Variants in BRIP1 observed in about 807,000 individuals in gnomAD.
The protein encoded by BRIP1 is BRCA1 interacting DNA helicase 1.
BRIP1 carries 88 observed loss-of-function variants against 119.7 expected under a neutral mutation model. The ratio of observed to expected loss-of-function variants is 0.74; its 90% CI spans 0.62 to 0.88. The LOEUF (loss-of-function observed/expected upper bound fraction) is 0.88, where lower values mean the gene tolerates loss of function less well. Among genes scored for constraint, BRIP1 ranks in the 40% least tolerant of loss-of-function variants. The pLI is 0.00. For missense variants in BRIP1, 1,259 were observed against 1,455.4 expected, an observed-to-expected ratio of 0.87 and a Z score of 2.20; for synonymous variants, 443 against 496.5, an observed-to-expected ratio of 0.89 and a Z score of 1.43.
Position 61,794,880 on chromosome 17 carries a change from A to C in BRIP1, c.1341-1151T>G, listed in dbSNP as rs2077876523. 7.6e-6 allele frequency among the ~76,000 whole-genome samples: 1 copy of C among 132,030 alleles called. No individual in the cohort carries two copies. The highest frequency in any genetic ancestry group is 2.5e-4 in the South Asian group (1 of 4,040). The allele number at this position is 132,030 out of a possible 152,430, so 86.6% of individuals were successfully genotyped here. On this transcript the variant is annotated intron_variant, in intron 9 of 19. Transcript: ENST00000259008. This position sits in a 1 kb window ranked among gnomAD's most constrained non-coding sequence, Gnocchi z 4.3. ...GTCATGGGAGAATCAGAAGAAAAGA[A>C]ATATCCAAGCAGAAGGAACAGCTAG...
At position 61,680,391 on chromosome 17, in the gene BRIP1, A is replaced by T. The variant is rs989523829; in HGVS notation, c.*2905T>A. On this transcript the variant is annotated 3_prime_UTR_variant, in exon 20 of 20. Coordinates refer to ENST00000259008, the MANE Select transcript of BRIP1 (RefSeq NM_032043.3). ...ACATATCTAGCTAGGGAAAGGGGAA[A>T]GTATTGGAGATGAAGTTGGGTAATA... is the stretch of plus-strand genomic sequence containing the variant. Among the ~76,000 whole-genome samples the T allele has an allele frequency of 1.3e-5, 2 of 151,666 alleles. No individual in the cohort carries two copies. The highest frequency in any genetic ancestry group is 1.3e-4 in the Admixed American group (2 of 15,214).
intron 14 of BRIP1, among the ~76,000 whole-genome samples, chr17:61,749,842 TTTG>T (rs2077109048): frequency 6.6e-6 from 1 of 152,270 alleles, no homozygotes; most frequent in African/African-American, 2.4e-5. Context: ...TTTCAGACAG[TTTG>T]TTGTCAGTGT....
chr17:61,719,301 G>C (rs1323899983), intron 16 of BRIP1, among the ~76,000 whole-genome samples: 1 of 151,002 alleles, frequency 6.6e-6, no homozygotes, highest in South Asian at 2.1e-4. Flanking sequence ...ATACTAAACA[G>C]TCATAAAAAT....
At position 61,722,392 on chromosome 17, in the gene BRIP1, T is replaced by C. The variant is rs368840590; in HGVS notation, c.2380-6329A>G. ...AGTAGTAAATGATAACATAACACCA[T>C]AGTAAATATTAGATGATATGTTAAT... On this transcript the variant is annotated intron_variant, in intron 16 of 19. Transcript: ENST00000259008. This position sits in a 1 kb window ranked among gnomAD's most constrained non-coding sequence, Gnocchi z 4.6. Among the ~76,000 whole-genome samples, 6 of 152,216 alleles carry C rather than the reference T, an allele frequency of 3.9e-5. No individual in the cohort carries two copies. In the East Asian group the frequency reaches 5.8e-4, roughly 15 times the overall value.
chr17:61,846,309 G>T lies in BRIP1; in HGVS notation c.627+792C>A, dbSNP rs2078731436. Among the ~76,000 whole-genome samples, 1 of 151,444 alleles carries T rather than the reference G, an allele frequency of 6.6e-6. No individual in the cohort carries two copies. The highest frequency in any genetic ancestry group is 1.9e-4 in the East Asian group (1 of 5,182). ...AGCCAATACCTTGATTTCTGCTAAG[G>T]CACCAACAGTTTTACCCATTCTTGC... On this transcript the variant is annotated intron_variant, in intron 6 of 19. Transcript: ENST00000259008. The surrounding 1 kb of genome is among the most constrained non-coding windows in gnomAD (Gnocchi z 4.3).
At chr17:61,685,495 T>TAAA in intron 19 of BRIP1, 1 of 343,702 alleles carries the variant, frequency 2.9e-6, no homozygotes, top group East Asian at 5.2e-5. Context: ...TACAATGCTG[T>TAAA]GATATTTATA....
rs777434654 is a variant in BRIP1 at position 61,847,098 on chromosome 17, T to G, written c.627+3A>C. 2 of 1,613,870 alleles carry G rather than the reference T, an allele frequency of 1.2e-6. No individual in the cohort carries two copies. The highest frequency in any genetic ancestry group is 1.7e-6 in the Non-Finnish European group (2 of 1,179,872). ...AAAACTGAACAATGGCATTAATACA[T>G]ACTTTCTGTGGCGAAAAGGAGTTTA... On this transcript the variant is annotated splice_donor_region_variant and intron_variant, in intron 6 of 19. Coordinates refer to ENST00000259008, the MANE Select transcript of BRIP1 (RefSeq NM_032043.3).
rs916921485 is a variant in BRIP1, at chr17:61,846,796, A to G, written c.627+305T>C. On this transcript the variant is annotated intron_variant, in intron 6 of 19. Transcript: ENST00000259008. This position sits in a 1 kb window ranked among gnomAD's most constrained non-coding sequence, Gnocchi z 4.3. ...ACTACTCCTTGAGAACTGTTGCCCT[A>G]AGAATCCTGAAAGAACTGTAAGGAG... 3.3e-5 allele frequency among the ~76,000 whole-genome samples: 5 copies of G among 152,232 alleles called. No individual in the cohort carries two copies. The highest frequency in any genetic ancestry group is 7.2e-5 in the African/African-American group (3 of 41,460).
chr17:61,836,549 C>T (rs1262713526), intron 6 of BRIP1, among the ~76,000 whole-genome samples: 1 of 152,078 alleles, frequency 6.6e-6, no homozygotes, highest in Non-Finnish European at 1.5e-5. Flanking sequence ...TTAACTATGG[C>T]CATTTTTTTC....
rs187568868 is a variant in BRIP1, at chr17:61,856,341, C to T, written c.379+717G>A. ...GCAACCTCTGTCTCCCTGCCAGTGA[C>T]TGGTAAAGGAATAGCATGAGTAAAA... On this transcript the variant is annotated intron_variant, in intron 4 of 19. Transcript: ENST00000259008. The surrounding 1 kb of genome is among the most constrained non-coding windows in gnomAD (Gnocchi z 5.1). Among the ~76,000 whole-genome samples, 3 of 152,182 alleles carry T rather than the reference C, an allele frequency of 2.0e-5. No individual in the cohort carries two copies. In the East Asian group the frequency reaches 5.8e-4, roughly 29 times the overall value.
chr17:61,837,186 G>A (rs1221850708), intron 6 of BRIP1, among the ~76,000 whole-genome samples: 1 of 152,136 alleles, frequency 6.6e-6, no homozygotes, highest in Admixed American at 6.5e-5. Flanking sequence ...TATTTCTAAA[G>A]TGCTTAGCAG....
chr17:61,840,355 C>CAAAA (rs11334899), intron 6 of BRIP1, among the ~76,000 whole-genome samples: 24 of 105,024 alleles, frequency 2.3e-4, no homozygotes, highest in South Asian at 6.5e-4. Flanking sequence ...GACTCCGTCT[C>CAAAA]AAAAAAAAAA....
chr17:61,783,180 G>C (rs929113880), intron 11 of BRIP1, among the ~76,000 whole-genome samples: 3 of 152,130 alleles, frequency 2.0e-5, no homozygotes, highest in African/African-American at 7.2e-5. Context: ...TTAACAAATT[G>C]TGGTATATAC....
intron 6 of BRIP1, among the ~76,000 whole-genome samples, chr17:61,837,062 AT>A (rs1352065268): frequency 1.3e-5 from 2 of 152,324 alleles, no homozygotes; most frequent in African/African-American, 4.8e-5. Flanking sequence ...TACGGTTGTT[AT>A]AAAGATTGAG....
At chr17:61,818,297 G>A (rs1276446138) in intron 6 of BRIP1, among the ~76,000 whole-genome samples, 2 of 152,086 alleles carry the variant, frequency 1.3e-5, no homozygotes, top group African/African-American at 4.8e-5. Flanking sequence ...CTATGGACAT[G>A]TGTCCACCTA....
chr17:61,795,655 T>C lies in BRIP1; in HGVS notation c.1341-1926A>G, dbSNP rs1428630761. Among the ~76,000 whole-genome samples, 1 of 152,198 alleles carries C rather than the reference T, an allele frequency of 6.6e-6. No homozygotes were observed. The highest frequency in any genetic ancestry group is 1.5e-5 in the Non-Finnish European group (1 of 68,012). ...CACATTTTCTTTATCCATTCATCTG[T>C]TGATGGACATTTAGGCTGCTTTCAA... On this transcript the variant is annotated intron_variant, in intron 9 of 19. Transcript: ENST00000259008. The surrounding 1 kb of genome is among the most constrained non-coding windows in gnomAD (Gnocchi z 5.6).
chr17:61,810,548 A>T lies in BRIP1; in HGVS notation c.628-1791T>A, dbSNP rs1253491665. ...CAGTTAAATTCATGTGAATACTAGA[A>T]TGCTATGGCCCAATGCACTGTTATG... On this transcript the variant is annotated intron_variant, in intron 6 of 19. Coordinates refer to ENST00000259008, the MANE Select transcript of BRIP1 (RefSeq NM_032043.3). This position sits in a 1 kb window ranked among gnomAD's most constrained non-coding sequence, Gnocchi z 4.7. 6.6e-6 allele frequency among the ~76,000 whole-genome samples: 1 copy of T among 152,202 alleles called. No individual in the cohort carries two copies. Among genetic ancestry groups the T allele is most frequent in the Non-Finnish European group, 1.5e-5 (1 of 68,026 alleles).
At chr17:61,772,619 G>A (rs2077472887) in intron 14 of BRIP1, among the ~76,000 whole-genome samples, 1 of 151,974 alleles carries the variant, frequency 6.6e-6, no homozygotes, top group Non-Finnish European at 1.5e-5. Context: ...GGGAGTTCAA[G>A]ACCAGCCTGA....
intron 17 of BRIP1, among the ~76,000 whole-genome samples, chr17:61,707,059 A>G (rs1388595343): frequency 6.6e-6 from 1 of 151,916 alleles, no homozygotes; most frequent in Admixed American, 6.6e-5. Context: ...GATGGAGCAC[A>G]TCTTCCAGTA....
Sources: gnomAD v4.1 joint callset for allele counts (sites outside exome capture counted in the v4.1 genomes callset) on GRCh38, gnomAD v4.1.1 for gene constraint, Gnocchi (gnomAD v3.1) non-coding constraint, MANE v1.5 for transcripts, NCBI Gene and HGNC (gene_info 2026-07-23, HGNC 2026-07-21) for gene names.